The following VCP variants were observed in gnomAD, a reference collection of about 807,000 sequenced individuals.
The protein encoded by VCP is valosin containing protein.
A neutral mutation model predicts 85.7 loss-of-function variants in VCP; 6 were observed. The ratio of observed to expected loss-of-function variants is 0.07; its 90% confidence interval spans 0.04 to 0.14. The LOEUF is 0.14. VCP is among the 10% of genes least tolerant of loss of function. The pLI, the probability that VCP is intolerant of heterozygous loss-of-function variation, is 1.00. For missense variants in VCP, 353 were observed against 1,043.4 expected (o/e 0.34, Z 9.12); for synonymous variants, 384 against 367.1 (o/e 1.05, Z -0.53).
At position 35,059,076 on chromosome 9, in the gene VCP, G is replaced by A. The variant is rs377125404; in HGVS notation, c.2148C>T (p.Asn716=). The A allele has an allele frequency of 6.2e-7, 1 of 1,614,034 alleles. No individual in the cohort carries two copies. Residue 716 remains asparagine (N), a synonymous_variant, in exon 15 of 17, where the codon AAC becomes AAT. Transcript: ENST00000358901. The surrounding 1 kb of genome is among the most constrained non-coding windows in gnomAD (Gnocchi z 4.9). ...EIRRERERQT[N]PSAMEVEEDD... ...GATGCAGACTCACCATGGCTGATGG[G>A]TTTGTCTGCCTCTCTCGTTCTCGCC...
chr9:35,072,511 G>A lies in VCP; in HGVS notation c.-158C>T. On this transcript the variant is annotated 5_prime_UTR_variant, in exon 1 of 17. Coordinates refer to ENST00000358901, the MANE Select transcript of VCP (RefSeq NM_007126.5). ...GCTTCCCTCTCGCTTCCTCCCACCG[G>A]CAGCGAGGCGTCGGGCGAACAACGC... The A allele has an allele frequency of 1.1e-6, 1 of 937,544 alleles. No homozygotes were observed. Among genetic ancestry groups the A allele is most frequent in the East Asian group, 3.4e-5 (1 of 29,662 alleles). The allele number at this position is 937,544 out of a possible 1,614,324, so 58.1% of individuals were successfully genotyped here. A position where few individuals can be genotyped will look rare whatever the true frequency, so the allele number is the denominator to read the frequency against.
intron 1 of VCP, chr9:35,071,967 G>T: frequency 9.3e-7 from 1 of 1,076,358 alleles, no homozygotes; most frequent in Non-Finnish European, 1.1e-6. Flanking sequence ...TGGTAGGCCG[G>T]ACGGCAGACT....
intron 1 of VCP, among the ~76,000 whole-genome samples, chr9:35,069,369 A>C (rs1397537182): frequency 6.6e-6 from 1 of 150,384 alleles, no homozygotes; most frequent in East Asian, 1.9e-4. Context: ...AGGATCATTC[A>C]CCAGACAGTG....
Position 35,056,862 on chromosome 9 carries a change from T to C in VCP, c.*255A>G, listed in dbSNP as rs772163720. On this transcript the variant is annotated 3_prime_UTR_variant, in exon 17 of 17. Transcript: ENST00000358901. ...GCCCCAAACTACAACAGAAATGGCA[T>C]AGGCCCAAGGCCCAATTCCCTGTTG... The C allele has an allele frequency of 4.1e-5, 19 of 461,568 alleles. No homozygotes were observed. The highest frequency in any genetic ancestry group is 6.4e-4 in the Middle Eastern group (1 of 1,568). 28.6% of individuals were successfully genotyped at this position (461,568 alleles called of 1,614,324 possible). A position where few individuals can be genotyped will look rare whatever the true frequency, so the allele number is the denominator to read the frequency against.
chr9:35,068,164 T>C lies in VCP; in HGVS notation c.129+87A>G, dbSNP rs910396412. 8 of 1,605,054 alleles carry C rather than the reference T, an allele frequency of 5.0e-6. No individual in the cohort carries two copies. In the African/African-American group the frequency reaches 1.1e-4, roughly 21 times the overall value. On this transcript the variant is annotated intron_variant, in intron 2 of 16. Transcript: ENST00000358901. Reference sequence around the variant, plus strand: ...CCAGTAAACCCCACTCTATCTGCAGTCACTGCAAGAAAAATGAGAAAAGAA... The same window carrying C: ...CCAGTAAACCCCACTCTATCTGCAGCCACTGCAAGAAAAATGAGAAAAGAA...
intron 4 of VCP, among the ~76,000 whole-genome samples, chr9:35,065,928 C>T (rs1282748898): frequency 2.0e-5 from 3 of 152,138 alleles, no homozygotes; most frequent in Admixed American, 6.5e-5. Context: ...GAGTTCGAGA[C>T]GAGCCTGACC....
chr9:35,060,804 G>C lies in VCP; in HGVS notation c.1479C>G (p.Val493=), dbSNP rs1267882326. Residue 493 remains valine (V), a synonymous_variant, in exon 12 of 17, where the codon GTC becomes GTG. Coordinates refer to ENST00000358901, the MANE Select transcript of VCP (RefSeq NM_007126.5). The stretch of plus-strand genomic sequence containing the variant: ...ACCCTGGACCAAGTTGCCCTACCTG[G>C]ACCAGCTCCTGTAGCTCACGTTTGA... ...EDVKRELQEL[V]QYPVEHPDKF... 6.2e-7 allele frequency: 1 copy of C among 1,614,108 alleles called. No homozygotes were observed. The highest frequency in any genetic ancestry group is 1.7e-5 in the Admixed American group (1 of 60,010).
Position 35,056,945 on chromosome 9 carries a change from G to C in VCP, c.*172C>G, listed in dbSNP as rs886063890. 1.0e-4 allele frequency: 70 copies of C among 681,354 alleles called. 1 individual carries two copies. The highest frequency in any genetic ancestry group is 3.9e-4 in the Middle Eastern group (1 of 2,560). The allele number at this position is 681,354 out of a possible 1,614,324, so 42.2% of individuals were successfully genotyped here. ...GCTTTTATTTTATCGCTTTTGTTTTGTATTTTTGCAACAGAAACCCCCTGT... is the reference window on the plus strand; with the variant it reads ...GCTTTTATTTTATCGCTTTTGTTTTCTATTTTTGCAACAGAAACCCCCTGT... On this transcript the variant is annotated 3_prime_UTR_variant, in exon 17 of 17. Transcript: ENST00000358901.
intron 1 of VCP, chr9:35,071,953 C>T (rs1176522538): frequency 1.9e-6 from 2 of 1,054,994 alleles, no homozygotes; most frequent in East Asian, 1.9e-4. Flanking sequence ...AGGCTTTCGG[C>T]GGGTGGTAGG....
rs1484192883 is a variant in VCP, at chr9:35,060,209, T to C, written c.1695+104A>G. 1.2e-5 allele frequency: 15 copies of C among 1,206,190 alleles called. No homozygotes were observed. In the Admixed American group the frequency reaches 2.1e-4, roughly 17 times the overall value. The allele number at this position is 1,206,190 out of a possible 1,614,324, so 74.7% of individuals were successfully genotyped here. On this transcript the variant is annotated intron_variant, in intron 13 of 16. Transcript: ENST00000358901. ...GAAAATCAAGTGACTTACTGTGCAG[T>C]TGAGCAGCCAGCACTAAGAATATTT...
At chr9:35,065,128 A>G in intron 5 of VCP, 123 bp downstream of exon 5, 1 of 1,452,192 alleles carries the variant, frequency 6.9e-7, no homozygotes, top group Non-Finnish European at 9.5e-7. Context: ...TCAGTCTCCC[A>G]AAGTACTGGG....
At chr9:35,069,444 C>CTTTTTTTT (rs35498216) in intron 1 of VCP, among the ~76,000 whole-genome samples, 19 of 96,100 alleles carry the variant, frequency 2.0e-4, no homozygotes, top group African/African-American at 2.7e-4. Flanking sequence ...CTCCCTCTCC[C>CTTTTTTTT]TTTTTTTTTT....
Position 35,062,307 on chromosome 9 carries a change from G to A in VCP, c.855C>T (p.Asn285=), listed in dbSNP as rs1174485058. ...CAGCCTCCTCAAAGGCTTTACGAAG[G>A]TTGCTCTCAGACTCACCAGCCAATT... The part of the protein sequence containing the change: ...MSKLAGESES[N]LRKAFEEAEK... The change falls in exon 8 of 17, where the codon AAC becomes AAT. Residue 285 remains asparagine (N), a synonymous_variant. Transcript: ENST00000358901. 3 of 1,614,042 alleles carry A rather than the reference G, an allele frequency of 1.9e-6. No homozygotes were observed. Among genetic ancestry groups the A allele is most frequent in the East Asian group, 2.2e-5 (1 of 44,900 alleles).
Position 35,062,205 on chromosome 9 carries a change from G to GT in VCP, c.945+11dup, listed in dbSNP as rs1190152818. 1 of 1,614,068 alleles carries GT rather than the reference G, an allele frequency of 6.2e-7. No individual in the cohort carries two copies. Among genetic ancestry groups the GT allele is most frequent in the Non-Finnish European group, 8.5e-7 (1 of 1,180,024 alleles). On this transcript the variant is annotated intron_variant, in intron 8 of 16. Coordinates refer to ENST00000358901, the MANE Select transcript of VCP (RefSeq NM_007126.5). ...TTTCAACCCCCCTCTATCCCCTCAG[G>GT]TAAGCTCCTACTTTCTCTCTTTTGG...
intron 12 of VCP, 38 bp downstream of exon 12, chr9:35,060,763 A>T (rs1455090537): frequency 6.2e-7 from 1 of 1,614,080 alleles, no homozygotes; most frequent in Non-Finnish European, 8.5e-7. Context: ...ATTACAATGT[A>T]CTGAGACAGT....
chr9:35,057,094 C>G lies in VCP; in HGVS notation c.*23G>C. ...GGAACAAGGTCCAGGCAGGCCAGCT[C>G]ACTGCACGCTGGCCACCACCACTTA... On this transcript the variant is annotated 3_prime_UTR_variant, in exon 17 of 17. Coordinates refer to ENST00000358901, the MANE Select transcript of VCP (RefSeq NM_007126.5). 1 of 1,608,404 alleles carries G rather than the reference C, an allele frequency of 6.2e-7. No homozygotes were observed. The highest frequency in any genetic ancestry group is 8.5e-7 in the Non-Finnish European group (1 of 1,175,096).
At position 35,059,903 on chromosome 9, in the gene VCP, T is replaced by C. The variant is rs547476877; in HGVS notation, c.1696-102A>G. 2.0e-6 allele frequency: 3 copies of C among 1,475,284 alleles called. No individual in the cohort carries two copies. Among genetic ancestry groups the C allele is most frequent in the Admixed American group, 3.5e-5 (2 of 56,886 alleles). 91.4% of individuals were successfully genotyped at this position (1,475,284 alleles called of 1,614,324 possible). On this transcript the variant is annotated intron_variant, in intron 13 of 16. Coordinates refer to ENST00000358901, the MANE Select transcript of VCP (RefSeq NM_007126.5). This position sits in a 1 kb window ranked among gnomAD's most constrained non-coding sequence, Gnocchi z 4.9. The stretch of plus-strand genomic sequence containing the variant: ...TTCCCAGCACTTTGGGAGGCCAAGG[T>C]GGGAGGATCACTTGAGGCCAGAAAT...
chr9:35,057,252 G>A (rs1196001558), intron 16 of VCP, 30 bp from the exon 17 acceptor site: 2 of 1,613,860 alleles, frequency 1.2e-6, no homozygotes, highest in South Asian at 1.1e-5. Flanking sequence ...CAAAAAAGAG[G>A]GTTAGGACAG....
At chr9:35,069,449 T>TC (rs1255943180) in intron 1 of VCP, among the ~76,000 whole-genome samples, 1 of 112,956 alleles carries the variant, frequency 8.9e-6, no homozygotes, top group Non-Finnish European at 1.7e-5. Context: ...TCTCCCTTTT[T>TC]TTTTTTTTTT....
Sources: gnomAD v4.1 joint callset for allele counts (sites outside exome capture counted in the v4.1 genomes callset) on GRCh38, gnomAD v4.1.1 for gene constraint, Gnocchi (gnomAD v3.1) non-coding constraint, MANE v1.5 for transcripts, NCBI Gene and HGNC (gene_info 2026-07-23, HGNC 2026-07-21) for gene names.